The following SIPA1L2 variants were observed in gnomAD, a reference collection of about 807,000 sequenced individuals.
SIPA1L2 encodes the protein signal-induced proliferation-associated 1-like protein 2.
SIPA1L2 carries 56 observed loss-of-function variants against 163.9 expected under a neutral mutation model. The observed-to-expected ratio is 0.34, with a 90% CI of 0.28 to 0.43. The LOEUF (loss-of-function observed/expected upper bound fraction) is 0.43. SIPA1L2 is among the 20% of genes least tolerant of loss of function. The pLI, the probability that SIPA1L2 is intolerant of heterozygous loss-of-function variation, is 1.00. For missense variants in SIPA1L2, 1,974 were observed against 2,193.5 expected, an observed-to-expected ratio of 0.90 and a Z score of 2.00; for synonymous variants, 877 against 865.7, an observed-to-expected ratio of 1.01 and a Z score of -0.23.
intron 9 of SIPA1L2, among the ~76,000 whole-genome samples, chr1:232,464,107 G>C (rs561392961): frequency 1.5e-4 from 23 of 151,996 alleles, no homozygotes; most frequent in Admixed American, 9.2e-4. Context: ...TATTGTCAAA[G>C]CATGTTTTTT....
intron 1 of SIPA1L2, among the ~76,000 whole-genome samples, chr1:232,582,418 C>T (rs1660429323): frequency 6.6e-6 from 1 of 151,590 alleles, no homozygotes; most frequent in African/African-American, 2.4e-5. Context: ...ATTTAGTTTT[C>T]TATACCTGCA....
At chr1:232,594,904 C>T (rs1165979366) in intron 1 of SIPA1L2, among the ~76,000 whole-genome samples, 5 of 152,182 alleles carry the variant, frequency 3.3e-5, no homozygotes, top group South Asian at 2.1e-4. Context: ...AGATCTGCAG[C>T]GCCCACACCC....
intron 2 of SIPA1L2, among the ~76,000 whole-genome samples, chr1:232,522,457 CAAACCTT>C (rs1667499085): frequency 6.6e-6 from 1 of 151,008 alleles, no homozygotes; most frequent in Non-Finnish European, 1.5e-5. Context: ...AAAGCCTTCT[CAAACCTT>C]AAGGTTGGGT....
intron 2 of SIPA1L2, among the ~76,000 whole-genome samples, chr1:232,545,047 C>T (rs1002200863): frequency 2.0e-5 from 3 of 152,078 alleles, no homozygotes; most frequent in African/African-American, 7.2e-5. Flanking sequence ...CCAGGCAAAG[C>T]GGTGGATGGT....
intron 2 of SIPA1L2, among the ~76,000 whole-genome samples, chr1:232,544,421 G>A (rs143883144): frequency 0.037 from 5,605 of 152,160 alleles, 328 homozygotes; most frequent in African/African-American, 0.13. Context: ...TTAGCCAGGC[G>A]TGGTGGCAGG....
chr1:232,592,672 A>AAAC (rs572716659), intron 1 of SIPA1L2, among the ~76,000 whole-genome samples: 1 of 152,276 alleles, frequency 6.6e-6, no homozygotes, highest in East Asian at 1.9e-4. Context: ...TTCTAGAACT[A>AAAC]AACAACAACA....
intron 1 of SIPA1L2, among the ~76,000 whole-genome samples, chr1:232,621,092 T>TA (rs543545078): frequency 6.2e-4 from 94 of 152,136 alleles, no homozygotes; most frequent in Middle Eastern, 3.4e-3. Flanking sequence ...AGACTCGGGC[T>TA]AAAAAAAATG....
Position 232,479,662 on chromosome 1 carries a change from T to C in SIPA1L2, c.2050A>G (p.Thr684Ala). 4 of 1,613,628 alleles carry C rather than the reference T, an allele frequency of 2.5e-6. No homozygotes were observed. The highest frequency in any genetic ancestry group is 2.2e-5 in the South Asian group (2 of 91,082). The change falls in exon 7 of 23, where the codon ACC (threonine) becomes GCC (alanine). Residue 684 changes from threonine (T) to alanine (A), a missense_variant. Thr to Ala is a moderately conservative substitution (Grantham distance 58, BLOSUM62 0). Around this residue, in one of 3 missense-constraint regions of SIPA1L2, gnomAD observed 288 missense variants for 418.9 expected, o/e 0.69. Coordinates refer to ENST00000674635, the MANE Select transcript of SIPA1L2 (RefSeq NM_020808.5). Reference sequence around the variant, plus strand: ...TTGTTGGGCATGTAGGGAAGCAGGGTTGACACGTGGAACATGAGTTCGTAG... The same window carrying C: ...TTGTTGGGCATGTAGGGAAGCAGGGCTGACACGTGGAACATGAGTTCGTAG... The part of the protein sequence containing the change: ...KDYELMFHVS[T>A]LLPYMPNNRQ...
intron 19 of SIPA1L2, among the ~76,000 whole-genome samples, chr1:232,411,030 A>G (rs1030906506): frequency 1.3e-5 from 2 of 152,162 alleles, no homozygotes; most frequent in Non-Finnish European, 2.9e-5. Context: ...GTAAATAAAG[A>G]GCCCCACAAC....
chr1:232,448,127 C>A lies in SIPA1L2; in HGVS notation c.3096-2341G>T, dbSNP rs573301544. ...TTTCCCATGTGCTCAAGCGATTACT[C>A]AGGTACTTAAGACTCTTTAGCCTAA... On this transcript the variant is annotated intron_variant, in intron 10 of 22. Transcript: ENST00000674635. 2.2e-4 allele frequency among the ~76,000 whole-genome samples: 33 copies of A among 152,296 alleles called. No individual in the cohort carries two copies. The South Asian group carries it at 5.6e-3, about 26-fold the overall frequency.
Position 232,563,144 on chromosome 1 carries a change from A to G in SIPA1L2, c.-270+11030T>C, listed in dbSNP as rs190894659. 1.2e-3 allele frequency among the ~76,000 whole-genome samples: 176 copies of G among 152,322 alleles called. 2 individuals carry two copies. Among genetic ancestry groups the G allele is most frequent in the African/African-American group, 4.1e-3 (171 of 41,574 alleles). On this transcript the variant is annotated intron_variant, in intron 2 of 22. Transcript: ENST00000674635. ...GGTTCAATAGCCTCTTTATAAACCT[A>G]TTGTGTGGTGTAGTGCCTAAAAATA...
At chr1:232,560,895 A>G (rs550723072) in intron 2 of SIPA1L2, among the ~76,000 whole-genome samples, 2 of 152,210 alleles carry the variant, frequency 1.3e-5, no homozygotes, top group African/African-American at 4.8e-5. Context: ...CATGAAGAGG[A>G]AAAAAAAGTA....
At chr1:232,470,012 A>G (rs2102943260) in intron 8 of SIPA1L2, among the ~76,000 whole-genome samples, 1 of 152,232 alleles carries the variant, frequency 6.6e-6, no homozygotes, top group South Asian at 2.1e-4. Context: ...CCACCCATAA[A>G]ATAACACCAA....
Position 232,398,992 on chromosome 1 carries a change from G to T in SIPA1L2, c.*135C>A. The T allele has an allele frequency of 8.2e-7, 1 of 1,220,616 alleles. No individual in the cohort carries two copies. The highest frequency in any genetic ancestry group is 1.1e-6 in the Non-Finnish European group (1 of 877,838). 75.6% of individuals were successfully genotyped at this position (1,220,616 alleles called of 1,614,324 possible). ...GAGTCGAGGCTCCCTATCCTGCTGT[G>T]GTGAATGGTGCTACACAGAATGGAA... On this transcript the variant is annotated 3_prime_UTR_variant, in exon 23 of 23. Transcript: ENST00000674635.
intron 14 of SIPA1L2, among the ~76,000 whole-genome samples, chr1:232,440,356 C>T (rs1426432762): frequency 1.3e-5 from 2 of 152,182 alleles, no homozygotes; most frequent in Non-Finnish European, 2.9e-5. Context: ...GTGGTTTGGC[C>T]TTATCTTTTT....
At chr1:232,490,332 C>A (rs1225693803) in intron 5 of SIPA1L2, among the ~76,000 whole-genome samples, 16 of 152,198 alleles carry the variant, frequency 1.1e-4, no homozygotes, top group Non-Finnish European at 1.5e-5. Flanking sequence ...GATGTTATTT[C>A]TTCTTTCCCC....
At chr1:232,625,312 T>C (rs1663013974) in intron 1 of SIPA1L2, among the ~76,000 whole-genome samples, 1 of 152,208 alleles carries the variant, frequency 6.6e-6, no homozygotes. Context: ...TAAGTAAAGA[T>C]ATAAAAGAGT....
chr1:232,506,313 AG>A (rs1666729948), intron 3 of SIPA1L2, among the ~76,000 whole-genome samples: 1 of 152,178 alleles, frequency 6.6e-6, no homozygotes, highest in South Asian at 2.1e-4. Flanking sequence ...AGCCCTTTAC[AG>A]GGGGGATTTG....
intron 15 of SIPA1L2, among the ~76,000 whole-genome samples, chr1:232,435,206 G>C (rs554897161): frequency 1.4e-3 from 211 of 152,226 alleles, no homozygotes; most frequent in African/African-American, 4.8e-3. Context: ...TGACCAAAGC[G>C]TATAGTTTTG....
Sources: gnomAD v4.1 joint callset for allele counts (sites outside exome capture counted in the v4.1 genomes callset) on GRCh38, gnomAD v4.1.1 for gene constraint, gnomAD v4.1.1 regional missense constraint, MANE v1.5 for transcripts, NCBI Gene and HGNC (gene_info 2026-07-23, HGNC 2026-07-21) for gene names.